UTP4: variants seen among roughly 807,000 people sequenced by gnomAD.
UTP4 encodes UTP4 small subunit processome component.
Under a neutral mutation model 82.4 loss-of-function variants are expected in UTP4, and 45 were observed. The ratio of observed to expected loss-of-function variants is 0.55; its 90% CI spans 0.43 to 0.70. UTP4 has a LOEUF of 0.70. UTP4 is among the 30% of genes least tolerant of loss of function. The probability of loss-of-function intolerance (pLI) is 0.00; values close to 1 mark genes in which losing one functional copy is unlikely to be tolerated. For synonymous variants in UTP4, 348 were observed against 300.3 expected (o/e 1.16, Z -1.64); for missense variants, 819 against 858.3 (o/e 0.95, Z 0.57).
chr16:69,159,145 C>T (rs1963500570), intron 12 of UTP4, among the ~76,000 whole-genome samples: 1 of 152,070 alleles, frequency 6.6e-6, no homozygotes, highest in African/African-American at 2.4e-5. Context: ...GGTGCCATCT[C>T]GGCTCACTGC....
rs1963608810 is a variant in UTP4 at position 69,163,184 on chromosome 16, G to T, written c.1647+6G>T. Reference sequence around the variant, plus strand: ...TCGCTCATTCGGACCAGCAGGTAAGGGAGATTCCAGTGCTTTCTATTCCCT... The same window carrying T: ...TCGCTCATTCGGACCAGCAGGTAAGTGAGATTCCAGTGCTTTCTATTCCCT... On this transcript the variant is annotated splice_donor_region_variant and intron_variant, in intron 14 of 16. Coordinates refer to ENST00000314423, the MANE Select transcript of UTP4 (RefSeq NM_032830.3). The T allele has an allele frequency of 3.7e-6, 6 of 1,604,944 alleles. No homozygotes were observed. Among genetic ancestry groups the T allele is most frequent in the Non-Finnish European group, 5.1e-6 (6 of 1,171,748 alleles).
At position 69,136,690 on chromosome 16, in the gene UTP4, C is replaced by T; in HGVS notation, c.160-6C>T. On this transcript the variant is annotated splice_region_variant and splice_polypyrimidine_tract_variant and intron_variant, in intron 2 of 16. Coordinates refer to ENST00000314423, the MANE Select transcript of UTP4 (RefSeq NM_032830.3). The stretch of plus-strand genomic sequence containing the variant: ...GTAATGTTGAGAAGTTATGGTGTTT[C>T]TGCAGTTTTTCCCAGGTCATGAGTC... 1 of 1,613,892 alleles carries T rather than the reference C, an allele frequency of 6.2e-7. No homozygotes were observed. The highest frequency in any genetic ancestry group is 8.5e-7 in the Non-Finnish European group (1 of 1,179,848).
At position 69,133,572 on chromosome 16, in the gene UTP4, G is replaced by C; in HGVS notation, c.113G>C (p.Gly38Ala). The change falls in exon 2 of 17, where the codon GGC (glycine) becomes GCC (alanine). Residue 38 changes from glycine (G) to alanine (A), a missense_variant. Coordinates refer to ENST00000314423, the MANE Select transcript of UTP4 (RefSeq NM_032830.3). ...SNRLAVSRTD[G>A]TVEIYNLSAN... ...AGATTGGCTGTTTCACGAACAGATG[G>C]CACTGTGGAAATTTATAACTTGTCA... 6.2e-7 allele frequency: 1 copy of C among 1,614,124 alleles called. No homozygotes were observed. The highest frequency in any genetic ancestry group is 8.5e-7 in the Non-Finnish European group (1 of 1,179,996).
At chr16:69,147,977 G>A (rs1387382210) in intron 6 of UTP4, among the ~76,000 whole-genome samples, 1 of 151,646 alleles carries the variant, frequency 6.6e-6, no homozygotes, top group Non-Finnish European at 1.5e-5. Flanking sequence ...TTTTCGAGAC[G>A]GAATCTTGCT....
At chr16:69,164,495 C>T (rs1963646100) in intron 14 of UTP4, among the ~76,000 whole-genome samples, 1 of 150,982 alleles carries the variant, frequency 6.6e-6, no homozygotes, top group African/African-American at 2.4e-5. Context: ...TGTAAATTAT[C>T]CTAACCCTTT....
intron 5 of UTP4, among the ~76,000 whole-genome samples, chr16:69,140,604 C>T (rs773856965): frequency 6.6e-6 from 1 of 151,962 alleles, no homozygotes; most frequent in Non-Finnish European, 1.5e-5. Flanking sequence ...TTCCCATCAA[C>T]TCAGGAAGCT....
intron 10 of UTP4, among the ~76,000 whole-genome samples, chr16:69,155,280 C>T (rs990696545): frequency 4.6e-5 from 7 of 151,876 alleles, no homozygotes; most frequent in Non-Finnish European, 8.8e-5. Context: ...CTCAGGTGAT[C>T]CTACCACTTC....
intron 6 of UTP4, among the ~76,000 whole-genome samples, chr16:69,148,414 A>G (rs997693985): frequency 2.0e-5 from 3 of 150,940 alleles, no homozygotes; most frequent in South Asian, 2.1e-4. Flanking sequence ...TGTATTTTTA[A>G]TAGAGACGGG....
chr16:69,150,857 G>A lies in UTP4; in HGVS notation c.955G>A (p.Glu319Lys), dbSNP rs1377916353. Residue 319 changes from glutamate to lysine, a missense_variant, in exon 8 of 17, where the codon GAA (glutamate) becomes AAA (lysine). Glu to Lys is a moderately conservative substitution (Grantham distance 56). Coordinates refer to ENST00000314423, the MANE Select transcript of UTP4 (RefSeq NM_032830.3). ...LVFRPLMEKV[E>K]VKNYDAALRK... Reference sequence around the variant, plus strand: ...CTTTCGTCCTCTCATGGAGAAGGTGGAAGTAAAGAATTACGATGCCGCTCT... The same window carrying A: ...CTTTCGTCCTCTCATGGAGAAGGTGAAAGTAAAGAATTACGATGCCGCTCT... 1.2e-6 allele frequency: 2 copies of A among 1,614,006 alleles called. No homozygotes were observed. Among genetic ancestry groups the A allele is most frequent in the Non-Finnish European group, 1.7e-6 (2 of 1,180,040 alleles).
chr16:69,143,309 T>G lies in UTP4; in HGVS notation c.658T>G (p.Phe220Val). ...TGTGGACTCTGCTGGGAAGGTGCAG[T>G]TCTGGGACTCAGCCACTGGGACGCT... ...ISVDSAGKVQ[F>V]WDSATGTLVK... Residue 220 changes from phenylalanine (F) to valine (V), a missense_variant, in exon 6 of 17, where the codon TTC (phenylalanine) becomes GTC (valine). By Grantham distance (50) the Phe-to-Val change is conservative. Transcript: ENST00000314423. The G allele has an allele frequency of 6.2e-7, 1 of 1,614,202 alleles. No homozygotes were observed. The highest frequency in any genetic ancestry group is 8.5e-7 in the Non-Finnish European group (1 of 1,180,034).
chr16:69,137,137 A>C (rs1962833349), intron 3 of UTP4, among the ~76,000 whole-genome samples: 2 of 152,180 alleles, frequency 1.3e-5, no homozygotes, highest in Non-Finnish European at 2.9e-5. Context: ...GTTCTGTGGA[A>C]TTTGGAGATG....
Position 69,167,056 on chromosome 16 carries a change from T to C in UTP4, c.1834-19T>C, listed in dbSNP as rs375031747. ...CCAATAAAAGTAACCATTTAAACAA[T>C]GTGTCTTTGTTTTTTTAGCCCCTTC... On this transcript the variant is annotated intron_variant, in intron 15 of 16. Transcript: ENST00000314423. 16 of 1,527,664 alleles carry C rather than the reference T, an allele frequency of 1.0e-5. No individual in the cohort carries two copies. The highest frequency in any genetic ancestry group is 1.4e-5 in the Non-Finnish European group (15 of 1,101,242). 94.6% of individuals were successfully genotyped at this position (1,527,664 alleles called of 1,614,324 possible). A position where few individuals can be genotyped will look rare whatever the true frequency, so the allele number is the denominator to read the frequency against.
chr16:69,147,047 C>T (rs1481251519), intron 6 of UTP4, among the ~76,000 whole-genome samples: 1 of 147,792 alleles, frequency 6.8e-6, no homozygotes, highest in African/African-American at 2.5e-5. Context: ...CATGGTGCTG[C>T]GTGCCTGTAA....
At chr16:69,153,965 G>A (rs777073323) in intron 9 of UTP4, among the ~76,000 whole-genome samples, 13 of 152,052 alleles carry the variant, frequency 8.5e-5, no homozygotes, top group Non-Finnish European at 1.6e-4. Context: ...GCTTAACTGA[G>A]GTGAAAACAG....
At position 69,168,815 on chromosome 16, in the gene UTP4, C is replaced by T; in HGVS notation, c.1945-6C>T. 1 of 1,573,118 alleles carries T rather than the reference C, an allele frequency of 6.4e-7. No homozygotes were observed. The highest frequency in any genetic ancestry group is 8.8e-7 in the Non-Finnish European group (1 of 1,142,566). On this transcript the variant is annotated splice_region_variant and splice_polypyrimidine_tract_variant and intron_variant, in intron 16 of 16. Coordinates refer to ENST00000314423, the MANE Select transcript of UTP4 (RefSeq NM_032830.3). ...TCCTGATAGAATAATTATCATCCCTCTGCAGCCTCTACTCTTCATGGATCT... is the reference window on the plus strand; with the variant it reads ...TCCTGATAGAATAATTATCATCCCTTTGCAGCCTCTACTCTTCATGGATCT...
chr16:69,165,442 C>A lies in UTP4; in HGVS notation c.1749C>A (p.Ile583=). The change falls in exon 15 of 17, where the codon ATC becomes ATA. Residue 583 remains isoleucine (I), a synonymous_variant. Transcript: ENST00000314423. ...HHLWLQRDTP[I]THISFHPKRP... is the part of the protein sequence containing the mutation. The stretch of plus-strand genomic sequence containing the variant: ...TTTGGCTCCAAAGGGATACTCCTAT[C>A]ACACACATCAGTTTTCATCCCAAGA... The A allele has an allele frequency of 6.2e-7, 1 of 1,613,982 alleles. No homozygotes were observed. The highest frequency in any genetic ancestry group is 1.1e-5 in the South Asian group (1 of 91,072).
chr16:69,137,792 C>T lies in UTP4; in HGVS notation c.352-9C>T, dbSNP rs748042307. On this transcript the variant is annotated splice_polypyrimidine_tract_variant and intron_variant, in intron 3 of 16. Coordinates refer to ENST00000314423, the MANE Select transcript of UTP4 (RefSeq NM_032830.3). Reference sequence around the variant, plus strand: ...GATTTTTTCTGTTTACTACCTCTTTCTCAAATAGGTTGGTTGTGAAGATGG... The same window carrying T: ...GATTTTTTCTGTTTACTACCTCTTTTTCAAATAGGTTGGTTGTGAAGATGG... The T allele has an allele frequency of 5.1e-6, 8 of 1,572,294 alleles. No individual in the cohort carries two copies. The highest frequency in any genetic ancestry group is 6.1e-6 in the Non-Finnish European group (7 of 1,141,912).
At chr16:69,154,165 T>C (rs1246759407) in intron 9 of UTP4, among the ~76,000 whole-genome samples, 1 of 152,194 alleles carries the variant, frequency 6.6e-6, no homozygotes, top group East Asian at 1.9e-4. Flanking sequence ...GGCTATGGAC[T>C]AGAGCTTCAG....
At chr16:69,162,141 T>A (rs999190381) in intron 13 of UTP4, among the ~76,000 whole-genome samples, 13 of 151,920 alleles carry the variant, frequency 8.6e-5, no homozygotes, top group Admixed American at 3.3e-4. Context: ...CTAATTTTTT[T>A]AATTTTTGGT....
Sources: gnomAD v4.1 joint callset for allele counts (sites outside exome capture counted in the v4.1 genomes callset) on GRCh38, gnomAD v4.1.1 for gene constraint, MANE v1.5 for transcripts, NCBI Gene and HGNC (gene_info 2026-07-23, HGNC 2026-07-21) for gene names.